The following PRSS35 variants were observed in gnomAD, a reference collection of about 807,000 sequenced individuals.
PRSS35 encodes inactive serine protease 35.
Under a neutral mutation model 8.1 loss-of-function variants are expected in PRSS35, and 7 were observed. That is an observed-to-expected ratio of 0.86 (90% CI 0.49 to 1.62). The LOEUF is 1.62. PRSS35 is among the 40% of genes most tolerant of loss of function. The probability of loss-of-function intolerance (pLI) is 0.00; values close to 1 mark genes in which losing one functional copy is unlikely to be tolerated. For synonymous variants in PRSS35, 199 were observed against 188.7 expected (o/e 1.05, Z -0.45); for missense variants, 566 against 518.0 (o/e 1.09, Z -0.90).
In PRSS35 at chr6:83,512,616, G is replaced by A. The variant is rs958107835; in HGVS notation, c.-99G>A. On this transcript the variant is annotated 5_prime_UTR_variant, in exon 1 of 2. Transcript: ENST00000369700. The stretch of plus-strand genomic sequence containing the variant: ...GCTCAGGCTGGCTGAGAGGCTCCCA[G>A]CTGCAGCGTCCCCGCCCGCCTCCTC... 4 of 152,288 alleles carry A rather than the reference G, an allele frequency of 2.6e-5. No individual in the cohort carries two copies. Among genetic ancestry groups the A allele is most frequent in the African/African-American group, 9.7e-5 (4 of 41,434 alleles). 9.4% of individuals were successfully genotyped at this position (152,288 alleles called of 1,614,324 possible).
At chr6:83,516,684 G>T (rs1335965546) in intron 1 of PRSS35, among the ~76,000 whole-genome samples, 3 of 148,618 alleles carry the variant, frequency 2.0e-5, no homozygotes, top group Non-Finnish European at 4.4e-5. Flanking sequence ...TTTCATTTAT[G>T]TTCCTCCTTC....
In PRSS35 at chr6:83,524,150, G is replaced by C. The variant is rs913059600; in HGVS notation, c.709G>C (p.Gly237Arg). ...GGGTGGGAGAAGAAGAAAAAAATCTGGCCGGGGTCAGAGGATTGCCGAAGG... is the reference window on the plus strand; with the variant it reads ...GGGTGGGAGAAGAAGAAAAAAATCTCGCCGGGGTCAGAGGATTGCCGAAGG... ...AKGGRRRKKS[G>R]RGQRIAEGRP... Residue 237 changes from glycine to arginine, a missense_variant, in exon 2 of 2, where the codon GGC becomes CGC. Coordinates refer to ENST00000369700, the MANE Select transcript of PRSS35 (RefSeq NM_153362.3). 1 of 1,614,126 alleles carries C rather than the reference G, an allele frequency of 6.2e-7. No individual in the cohort carries two copies. The highest frequency in any genetic ancestry group is 8.5e-7 in the Non-Finnish European group (1 of 1,180,026).
At chr6:83,515,497 T>TTTTG (rs58739802) in intron 1 of PRSS35, among the ~76,000 whole-genome samples, 115,056 of 151,226 alleles carry the variant, frequency 0.76, 43,916 homozygotes, top group East Asian at 0.86. Flanking sequence ...TTTCTACTGT[T>TTTTG]TTTGTTTGTT....
rs756083564 is a variant in PRSS35, at chr6:83,524,291, C to T, written c.850C>T (p.Arg284Cys). The change falls in exon 2 of 2, where the codon CGT (arginine) becomes TGT (cysteine). Residue 284 changes from arginine to cysteine, a missense_variant. Coordinates refer to ENST00000369700, the MANE Select transcript of PRSS35 (RefSeq NM_153362.3). Reference sequence around the variant, plus strand: ...TGACTATGCTCTTCTGGAGCTGAAGCGTGCTCACAAAAAGAAATACATGGA... The same window carrying T: ...TGACTATGCTCTTCTGGAGCTGAAGTGTGCTCACAAAAAGAAATACATGGA... ...DYDYALLELK[R>C]AHKKKYMELG... The T allele has an allele frequency of 4.2e-5, 67 of 1,614,074 alleles. No individual in the cohort carries two copies. The Middle Eastern group carries it at 2.1e-3, about 52-fold the overall frequency.
Position 83,522,762 on chromosome 6 carries a change from A to G in PRSS35, c.-20-660A>G, listed in dbSNP as rs143545359. Among the ~76,000 whole-genome samples the G allele has an allele frequency of 3.9e-5, 6 of 152,348 alleles. No homozygotes were observed. The East Asian group carries it at 1.2e-3, about 29-fold the overall frequency. On this transcript the variant is annotated intron_variant, in intron 1 of 1. Coordinates refer to ENST00000369700, the MANE Select transcript of PRSS35 (RefSeq NM_153362.3). The stretch of plus-strand genomic sequence containing the variant: ...TTTTCTTTTTATGACCAGGCATTCT[A>G]TACAAATCAAAACAGATCAATAGAA...
Position 83,524,882 on chromosome 6 carries a change from G to A in PRSS35, c.*199G>A. On this transcript the variant is annotated 3_prime_UTR_variant, in exon 2 of 2. Coordinates refer to ENST00000369700, the MANE Select transcript of PRSS35 (RefSeq NM_153362.3). ...ATTGAAACTAGGTGGGCACTTCAAT[G>A]CCAAGTATATACTCTTCTTTACATG... is the stretch of plus-strand genomic sequence containing the variant. The A allele has an allele frequency of 1.7e-6, 1 of 596,332 alleles. No individual in the cohort carries two copies. Among genetic ancestry groups the A allele is most frequent in the Non-Finnish European group, 2.9e-6 (1 of 342,584 alleles). 36.9% of individuals were successfully genotyped at this position (596,332 alleles called of 1,614,324 possible).
chr6:83,523,863 A>G lies in PRSS35; in HGVS notation c.422A>G (p.Asn141Ser). 6.2e-7 allele frequency: 1 copy of G among 1,614,198 alleles called. No homozygotes were observed. Among genetic ancestry groups the G allele is most frequent in the Non-Finnish European group, 8.5e-7 (1 of 1,180,036 alleles). Residue 141 changes from asparagine to serine, a missense_variant, in exon 2 of 2, where the codon AAT (asparagine) becomes AGT (serine). Asn to Ser is a conservative substitution (Grantham distance 46, BLOSUM62 1). Coordinates refer to ENST00000369700, the MANE Select transcript of PRSS35 (RefSeq NM_153362.3). Reference sequence around the variant, plus strand: ...ATCTTGGACAAAAGGTTCTTAACCAATTTCCCTTTCAGCACAGCTGTGAAG... The same window carrying G: ...ATCTTGGACAAAAGGTTCTTAACCAGTTTCCCTTTCAGCACAGCTGTGAAG... The part of the protein sequence containing the change: ...FSILDKRFLT[N>S]FPFSTAVKLS...
intron 1 of PRSS35, among the ~76,000 whole-genome samples, chr6:83,516,536 A>G (rs111403638): frequency 0.019 from 2,710 of 146,354 alleles, 71 homozygotes; most frequent in African/African-American, 0.061. Flanking sequence ...AGATCACGCC[A>G]TTGCACTCTA....
rs776819854 is a variant in PRSS35, at chr6:83,524,660, G to C, written c.1219G>C (p.Asp407His). ...AQICLWIHGNDANCAYG is the reference protein window; with the variant it reads ...AQICLWIHGNHANCAYG ...GATTTGCCTCTGGATTCACGGGAACGATGCCAATTGTGCTTACGGCTAACA... is the reference window on the plus strand; with the variant it reads ...GATTTGCCTCTGGATTCACGGGAACCATGCCAATTGTGCTTACGGCTAACA... Residue 407 changes from aspartate to histidine, a missense_variant, in exon 2 of 2, where the codon GAT becomes CAT. Physicochemically the swap from Asp to His is moderately conservative, Grantham distance 81. Coordinates refer to ENST00000369700, the MANE Select transcript of PRSS35 (RefSeq NM_153362.3). 1 of 1,610,472 alleles carries C rather than the reference G, an allele frequency of 6.2e-7. No individual in the cohort carries two copies. The highest frequency in any genetic ancestry group is 1.7e-5 in the Admixed American group (1 of 59,704).
intron 1 of PRSS35, among the ~76,000 whole-genome samples, chr6:83,518,969 A>G (rs1771771910): frequency 6.6e-6 from 1 of 152,166 alleles, no homozygotes; most frequent in African/African-American, 2.4e-5. Context: ...ATAAGTGGTG[A>G]AAAGGGAATT....
intron 1 of PRSS35, among the ~76,000 whole-genome samples, chr6:83,517,557 C>T (rs1771746531): frequency 6.6e-6 from 1 of 152,196 alleles, no homozygotes; most frequent in African/African-American, 2.4e-5. Context: ...TTGTAATTCT[C>T]CCCCTCTCCT....
chr6:83,516,252 T>C (rs1026079040), intron 1 of PRSS35, among the ~76,000 whole-genome samples: 1 of 152,134 alleles, frequency 6.6e-6, no homozygotes, highest in Non-Finnish European at 1.5e-5. Context: ...CAACACAAAT[T>C]TATTATCTTA....
chr6:83,523,117 G>T (rs935742315), intron 1 of PRSS35, among the ~76,000 whole-genome samples: 1 of 152,158 alleles, frequency 6.6e-6, no homozygotes, highest in Admixed American at 6.5e-5. Flanking sequence ...ACCTACTACC[G>T]TATTCTACTC....
rs746577637 is a variant in PRSS35 at position 83,523,634 on chromosome 6, G to A, written c.193G>A (p.Glu65Lys). ...GATGGTAAATACAGTGTGTGGCATC[G>A]AATGCCAGAAAGAACTCCCAACTCC... Reference protein sequence around the residue: ...KMMVNTVCGIECQKELPTPSL... With the variant: ...KMMVNTVCGIKCQKELPTPSL... Residue 65 changes from glutamate to lysine, a missense_variant, in exon 2 of 2, where the codon GAA becomes AAA. Physicochemically the swap from Glu to Lys is moderately conservative, Grantham distance 56 (BLOSUM62 1). Coordinates refer to ENST00000369700, the MANE Select transcript of PRSS35 (RefSeq NM_153362.3). The A allele has an allele frequency of 1.8e-5, 29 of 1,614,008 alleles. No homozygotes were observed. The East Asian group carries it at 5.3e-4, about 30-fold the overall frequency.
At chr6:83,516,402 A>G (rs1249182237) in intron 1 of PRSS35, among the ~76,000 whole-genome samples, 1 of 151,494 alleles carries the variant, frequency 6.6e-6, no homozygotes, top group Non-Finnish European at 1.5e-5. Context: ...GTGACACCCC[A>G]TCTCTACTAA....
Position 83,524,035 on chromosome 6 carries a change from G to A in PRSS35, c.594G>A (p.Lys198=), listed in dbSNP as rs745713363. Residue 198 remains lysine, a synonymous_variant, in exon 2 of 2, where the codon AAG becomes AAA. Transcript: ENST00000369700. ...AGATGAGGAATAAAAGTGGAGGCAA[G>A]AAACGTCGAGGTTCTAAGAGGAGCA... ...LLKMRNKSGG[K]KRRGSKRSRR... is the part of the protein sequence containing the mutation. 15 of 1,614,058 alleles carry A rather than the reference G, an allele frequency of 9.3e-6. No individual in the cohort carries two copies. The African/African-American group carries it at 2.0e-4, about 22-fold the overall frequency.
intron 1 of PRSS35, among the ~76,000 whole-genome samples, chr6:83,523,092 C>T (rs752141087): frequency 7.2e-5 from 11 of 152,044 alleles, no homozygotes; most frequent in Non-Finnish European, 1.5e-4. Context: ...GTGGCTTAGC[C>T]GACAGAGGAT....
chr6:83,519,014 A>G (rs1353716952), intron 1 of PRSS35, among the ~76,000 whole-genome samples: 1 of 152,178 alleles, frequency 6.6e-6, no homozygotes, highest in African/African-American at 2.4e-5. Context: ...GTCTGCACTC[A>G]TAACCACTAT....
At chr6:83,520,211 G>T (rs1385946328) in intron 1 of PRSS35, among the ~76,000 whole-genome samples, 1 of 152,182 alleles carries the variant, frequency 6.6e-6, no homozygotes, top group African/African-American at 2.4e-5. Context: ...TGAAGCAGAT[G>T]TCATTTAAAA....
Sources: gnomAD v4.1 joint callset for allele counts (sites outside exome capture counted in the v4.1 genomes callset) on GRCh38, gnomAD v4.1.1 for gene constraint, MANE v1.5 for transcripts, NCBI Gene and HGNC (gene_info 2026-07-23, HGNC 2026-07-21) for gene names.